Variants in SFMBT1 observed in about 807,000 individuals in gnomAD.
SFMBT1 encodes Scm like with four mbt domains 1.
SFMBT1 carries 32 observed loss-of-function variants against 108.7 expected under a neutral mutation model. The observed-to-expected ratio is 0.29, with a 90% confidence interval of 0.22 to 0.40. SFMBT1 has a LOEUF of 0.40. SFMBT1 is among the 10% of genes least tolerant of loss of function. The pLI is 1.00. For missense variants in SFMBT1, 816 were observed against 1,059.6 expected, an observed-to-expected ratio of 0.77 and a Z score of 3.19; for synonymous variants, 348 against 369.5, an observed-to-expected ratio of 0.94 and a Z score of 0.67.
At chr3:53,039,159 G>A (rs181286695) in intron 1 of SFMBT1, among the ~76,000 whole-genome samples, 2 of 152,284 alleles carry the variant, frequency 1.3e-5, no homozygotes, top group Admixed American at 1.3e-4. Flanking sequence ...AAGGTACCTG[G>A]TTCTCTAGGC....
At chr3:53,036,631 G>T (rs1423494838) in intron 1 of SFMBT1, among the ~76,000 whole-genome samples, 1 of 152,254 alleles carries the variant, frequency 6.6e-6, no homozygotes, top group Non-Finnish European at 1.5e-5. Context: ...AACGGGCAGG[G>T]ATGTAGGGGT....
At chr3:52,918,398 G>A in intron 13 of SFMBT1, 86 bp downstream of exon 13, 2 of 1,069,802 alleles carry the variant, frequency 1.9e-6, no homozygotes, top group Non-Finnish European at 2.7e-6. Context: ...GCTTCCATCT[G>A]AGAAAATGAG....
intron 1 of SFMBT1, among the ~76,000 whole-genome samples, chr3:52,985,436 T>C (rs1704870939): frequency 6.6e-6 from 1 of 152,250 alleles, no homozygotes; most frequent in Non-Finnish European, 1.5e-5. Flanking sequence ...TATTGTATAC[T>C]AAATAATTAG....
In SFMBT1 at chr3:53,000,507, T is replaced by C. The variant is rs923669024; in HGVS notation, c.-130-31249A>G. 2.0e-5 allele frequency among the ~76,000 whole-genome samples: 3 copies of C among 149,902 alleles called. No homozygotes were observed. The East Asian group carries it at 5.8e-4, about 29-fold the overall frequency. On this transcript the variant is annotated intron_variant, in intron 1 of 20. Coordinates refer to ENST00000394752, the MANE Select transcript of SFMBT1 (RefSeq NM_016329.4). ...CATTAAAGTATTAAGAGTACTGAGTTATAATGTCTGCAATAGAGCCTCAAA... is the reference window on the plus strand; with the variant it reads ...CATTAAAGTATTAAGAGTACTGAGTCATAATGTCTGCAATAGAGCCTCAAA...
chr3:52,941,048 G>C (rs1249048000), intron 4 of SFMBT1, among the ~76,000 whole-genome samples: 1 of 152,114 alleles, frequency 6.6e-6, no homozygotes, highest in Non-Finnish European at 1.5e-5. Context: ...CAATGGTTAA[G>C]AAAACGAGAG....
rs189109975 is a variant in SFMBT1 at position 52,908,288 on chromosome 3, G to C, written c.1907-555C>G. On this transcript the variant is annotated intron_variant, in intron 17 of 20. Transcript: ENST00000394752. ...GGGGTTTCACCATGTTGGCCAGGAT[G>C]GTTTCAATCTCTTGACCTCATGATC... Among the ~76,000 whole-genome samples, 6 of 151,948 alleles carry C rather than the reference G, an allele frequency of 3.9e-5. No individual in the cohort carries two copies. The East Asian group carries it at 1.2e-3, about 30-fold the overall frequency.
At chr3:52,959,098 G>T (rs1184588700) in intron 2 of SFMBT1, among the ~76,000 whole-genome samples, 1 of 151,878 alleles carries the variant, frequency 6.6e-6, no homozygotes, top group Non-Finnish European at 1.5e-5. Context: ...GACACATCGG[G>T]GGGAAAAGCA....
At chr3:53,026,731 GA>G (rs1264730655) in intron 1 of SFMBT1, among the ~76,000 whole-genome samples, 1 of 152,180 alleles carries the variant, frequency 6.6e-6, no homozygotes, top group Non-Finnish European at 1.5e-5. Flanking sequence ...GAGCTGGCAA[GA>G]ACCTCAACAA....
At chr3:52,928,544 TTAA>T (rs1559513791) in intron 8 of SFMBT1, 1 of 369,654 alleles carries the variant, frequency 2.7e-6, no homozygotes, top group Non-Finnish European at 4.8e-6. Flanking sequence ...AGTTTTAATC[TTAA>T]CAACTGAATG....
rs1391915476 is a variant in SFMBT1, at chr3:52,912,552, T to C, written c.1716A>G (p.Glu572=). The C allele has an allele frequency of 1.2e-6, 2 of 1,613,966 alleles. No homozygotes were observed. Among genetic ancestry groups the C allele is most frequent in the Non-Finnish European group, 1.7e-6 (2 of 1,179,940 alleles). Reference sequence around the variant, plus strand: ...AGTCCACTCACTTGGCTTTTAGGACTTCCCCACATCCGTGCCACACAGAGT... The same window carrying C: ...AGTCCACTCACTTGGCTTTTAGGACCTCCCCACATCCGTGCCACACAGAGT... ...DKDSVWHGCG[E]VLKAKYKGKS... is the part of the protein sequence containing the mutation. The change falls in exon 16 of 21, where the codon GAA becomes GAG. Residue 572 remains glutamate, a synonymous_variant. Transcript: ENST00000394752.
chr3:52,911,504 AC>A (rs1212281385), intron 16 of SFMBT1, among the ~76,000 whole-genome samples: 1 of 152,196 alleles, frequency 6.6e-6, no homozygotes, highest in Non-Finnish European at 1.5e-5. Context: ...GTCTTTCTTT[AC>A]CCTTGGCAGT....
chr3:52,935,990 T>A (rs1172515409), intron 4 of SFMBT1, among the ~76,000 whole-genome samples: 2 of 152,170 alleles, frequency 1.3e-5, no homozygotes, highest in Non-Finnish European at 2.9e-5. Flanking sequence ...TAAATCAGTA[T>A]TTAGAGCTAG....
intron 1 of SFMBT1, among the ~76,000 whole-genome samples, chr3:52,971,822 C>T (rs1704354658): frequency 6.6e-6 from 1 of 152,112 alleles, no homozygotes; most frequent in East Asian, 1.9e-4. Context: ...GAGGACTATT[C>T]CAGGCACCAA....
chr3:53,012,403 C>T (rs1273851518), intron 1 of SFMBT1, among the ~76,000 whole-genome samples: 2 of 146,314 alleles, frequency 1.4e-5, no homozygotes, highest in Non-Finnish European at 3.0e-5. Context: ...AGTGAGTGCT[C>T]TTTTTTTTTT....
At chr3:52,931,597 C>T (rs978746897) in intron 6 of SFMBT1, among the ~76,000 whole-genome samples, 13 of 152,120 alleles carry the variant, frequency 8.5e-5, no homozygotes, top group African/African-American at 3.1e-4. Context: ...CCCAGCATTA[C>T]GGGAGGCTGA....
intron 3 of SFMBT1, among the ~76,000 whole-genome samples, 167 bp downstream of exon 3, chr3:52,954,146 AAAAT>A (rs1559525048): frequency 6.6e-6 from 1 of 152,122 alleles, no homozygotes; most frequent in Non-Finnish European, 1.5e-5. Flanking sequence ...AAAAAATAAA[AAAAT>A]AAAGAATATG....
At chr3:53,026,834 G>C (rs1417080038) in intron 1 of SFMBT1, among the ~76,000 whole-genome samples, 1 of 152,182 alleles carries the variant, frequency 6.6e-6, no homozygotes, top group Non-Finnish European at 1.5e-5. Flanking sequence ...GTTTTGCCCT[G>C]TCCCTGGAGA....
chr3:52,906,259 C>A lies in SFMBT1; in HGVS notation c.2332-18G>T, dbSNP rs544307711. 5.9e-5 allele frequency: 96 copies of A among 1,613,880 alleles called. 1 individual carries two copies. The Middle Eastern group carries it at 1.5e-3, about 25-fold the overall frequency. On this transcript the variant is annotated intron_variant, in intron 19 of 20. Coordinates refer to ENST00000394752, the MANE Select transcript of SFMBT1 (RefSeq NM_016329.4). ...CTTATTTCCTTCATTCCCCACAACA[C>A]AATCAAACCAAATGGTGTTACGGCT...
intron 20 of SFMBT1, among the ~76,000 whole-genome samples, chr3:52,905,803 AT>A (rs903147382): frequency 5.3e-5 from 8 of 151,560 alleles, no homozygotes; most frequent in Middle Eastern, 3.4e-3. Context: ...GACAGATGCT[AT>A]TTTTTTTTAA....
Sources: gnomAD v4.1 joint callset for allele counts (sites outside exome capture counted in the v4.1 genomes callset) on GRCh38, gnomAD v4.1.1 for gene constraint, MANE v1.5 for transcripts, NCBI Gene and HGNC (gene_info 2026-07-23, HGNC 2026-07-21) for gene names.